FHL2: variants seen among roughly 807,000 people sequenced by gnomAD.
FHL2 encodes four and a half LIM domains protein 2.
A neutral mutation model predicts 32.7 loss-of-function variants in FHL2; 20 were observed. The ratio of observed to expected loss-of-function variants is 0.61; its 90% CI spans 0.43 to 0.89. The LOEUF is 0.89. Among genes scored for constraint, FHL2 ranks in the 40% least tolerant of loss-of-function variants. The pLI, the probability that FHL2 is intolerant of heterozygous loss-of-function variation, is 0.00. For synonymous variants in FHL2, 123 were observed against 128.1 expected, an observed-to-expected ratio of 0.96 and a Z score of 0.27; for missense variants, 311 against 358.6, an observed-to-expected ratio of 0.87 and a Z score of 1.07.
intron 1 of FHL2, among the ~76,000 whole-genome samples, chr2:105,406,803 C>T (rs1302212828): frequency 2.6e-5 from 4 of 152,210 alleles, no homozygotes; most frequent in Non-Finnish European, 5.9e-5. Flanking sequence ...CATGTTCTAC[C>T]TGCGGCCAGT....
At chr2:105,417,245 G>T (rs984329431) in intron 1 of FHL2, among the ~76,000 whole-genome samples, 2 of 152,154 alleles carry the variant, frequency 1.3e-5, no homozygotes, top group African/African-American at 4.8e-5. Context: ...AGCTGGGCAT[G>T]GTGGCACGTG....
intron 6 of FHL2, chr2:105,363,064 A>G (rs529627337): frequency 3.3e-5 from 18 of 541,702 alleles, no homozygotes; most frequent in Admixed American, 1.0e-4. Context: ...CACTGGCCAT[A>G]TGGTTGTGAT....
chr2:105,391,883 G>T (rs1474654907), intron 2 of FHL2, among the ~76,000 whole-genome samples: 1 of 152,218 alleles, frequency 6.6e-6, no homozygotes, highest in Non-Finnish European at 1.5e-5. Flanking sequence ...GCAACAGCCT[G>T]CAGGGAGATG....
chr2:105,395,160 T>G (rs1013443398), intron 2 of FHL2, among the ~76,000 whole-genome samples: 2 of 152,194 alleles, frequency 1.3e-5, no homozygotes, highest in African/African-American at 4.8e-5. Flanking sequence ...TCCAAATAAT[T>G]TAAATCACCT....
chr2:105,370,862 C>T (rs1036288628), intron 4 of FHL2, among the ~76,000 whole-genome samples: 31 of 152,108 alleles, frequency 2.0e-4, no homozygotes, highest in African/African-American at 6.8e-4. Context: ...CAGGGAACAC[C>T]GAAGATTCAA....
chr2:105,373,864 C>T, intron 3 of FHL2, 131 bp from the exon 4 acceptor site: 2 of 751,454 alleles, frequency 2.7e-6, no homozygotes, highest in South Asian at 1.7e-5. Context: ...GGCGCACCCA[C>T]ATTCATGCCC....
chr2:105,396,558 C>T, intron 2 of FHL2, 89 bp downstream of exon 2: 1 of 1,193,874 alleles, frequency 8.4e-7, no homozygotes, highest in Non-Finnish European at 1.2e-6. Context: ...CCGCATGGCC[C>T]AGTCAAGTTG....
At chr2:105,378,156 G>A (rs1333186894) in intron 3 of FHL2, 2 of 471,154 alleles carry the variant, frequency 4.2e-6, no homozygotes, top group Non-Finnish European at 8.8e-6. Context: ...ACATGCACAT[G>A]GGTCCAAGGC....
At position 105,428,157 on chromosome 2, in the gene FHL2, T is replaced by C. The variant is rs77616426; in HGVS notation, c.-25+10242A>G. 3.4e-4 allele frequency among the ~76,000 whole-genome samples: 52 copies of C among 152,310 alleles called. 1 individual carries two copies. In the East Asian group the frequency reaches 8.9e-3, roughly 26 times the overall value. On this transcript the variant is annotated intron_variant, in intron 1 of 5. Transcript: ENST00000393352. ...CCTGCTGAGGGTGGCCCCTAGTCTT[T>C]CCCACCTGGAGGAACAAAGGTCCTT... is the stretch of plus-strand genomic sequence containing the variant.
intron 2 of FHL2, among the ~76,000 whole-genome samples, chr2:105,388,005 A>G (rs1682446795): frequency 6.6e-6 from 1 of 152,226 alleles, no homozygotes; most frequent in African/African-American, 2.4e-5. Context: ...TAATGCAGGA[A>G]CAGAAAGCCA....
At chr2:105,414,491 T>C (rs1041798752) in intron 1 of FHL2, among the ~76,000 whole-genome samples, 4 of 152,054 alleles carry the variant, frequency 2.6e-5, no homozygotes, top group African/African-American at 9.7e-5. Flanking sequence ...CCGCCGCCAT[T>C]ATCTCATTAG....
At chr2:105,408,612 A>G (rs933379949) in intron 1 of FHL2, among the ~76,000 whole-genome samples, 1 of 152,200 alleles carries the variant, frequency 6.6e-6, no homozygotes, top group Non-Finnish European at 1.5e-5. Context: ...ATGCAGAGAA[A>G]GGACAGCAGC....
chr2:105,392,807 G>C (rs1170794529), intron 2 of FHL2, among the ~76,000 whole-genome samples: 1 of 137,026 alleles, frequency 7.3e-6, no homozygotes, highest in African/African-American at 2.7e-5. Flanking sequence ...CTGCATGCCA[G>C]GAAGCTTTTT....
rs749684273 is a variant in FHL2 at position 105,397,881 on chromosome 2, G to GTTT, written c.-76+958_-76+960dup. 3.3e-3 allele frequency among the ~76,000 whole-genome samples: 381 copies of GTTT among 116,314 alleles called. 3 individuals carry two copies. The highest frequency in any genetic ancestry group is 0.011 in the African/African-American group (358 of 32,260). 76.3% of individuals were successfully genotyped at this position (116,314 alleles called of 152,430 possible). On this transcript the variant is annotated intron_variant, in intron 1 of 6. Transcript: ENST00000530340. ...TGATGCAAATGGTTTTTGTTTTTTT[G>GTTT]TTTTTTGTTTTTTTTTGTCTAAAAC...
downstream of FHL2, chr2:105,360,174 GC>G (rs1680157439): frequency 6.6e-6 from 1 of 151,946 alleles, no homozygotes; most frequent in African/African-American, 2.4e-5. Flanking sequence ...AATGGTGGGT[GC>G]CTGTAATCCC....
chr2:105,399,365 G>C, upstream of FHL2: 2 of 1,536,012 alleles, frequency 1.3e-6, no homozygotes, highest in Non-Finnish European at 1.7e-6. Flanking sequence ...GCCCACGCCG[G>C]GATCTCTGCC....
At chr2:105,370,214 C>G (rs375643513) in intron 4 of FHL2, among the ~76,000 whole-genome samples, 11 of 151,636 alleles carry the variant, frequency 7.3e-5, no homozygotes, top group Admixed American at 3.3e-4. Flanking sequence ...CTCTACCCCC[C>G]CAAAAAAAAA....
At chr2:105,431,734 C>T (rs1271480013) in intron 1 of FHL2, among the ~76,000 whole-genome samples, 1 of 152,246 alleles carries the variant, frequency 6.6e-6, no homozygotes, top group Non-Finnish European at 1.5e-5. Context: ...ATTTAAGTTA[C>T]AAATATGATC....
At chr2:105,431,045 T>A (rs1684416488) in intron 1 of FHL2, among the ~76,000 whole-genome samples, 1 of 152,240 alleles carries the variant, frequency 6.6e-6, no homozygotes, top group African/African-American at 2.4e-5. Context: ...TTTTCTCTTG[T>A]TAATCTAGAT....
Sources: gnomAD v4.1 joint callset for allele counts (sites outside exome capture counted in the v4.1 genomes callset) on GRCh38, gnomAD v4.1.1 for gene constraint, MANE v1.5 for transcripts, NCBI Gene and HGNC (gene_info 2026-07-23, HGNC 2026-07-21) for gene names.